Variants in CD84 observed in about 807,000 individuals in gnomAD.
The protein encoded by CD84 is CD84 molecule.
A neutral mutation model predicts 33.8 loss-of-function variants in CD84; 22 were observed. The observed-to-expected ratio is 0.65, with a 90% confidence interval of 0.46 to 0.93. CD84 has a LOEUF of 0.93. Ranked by LOEUF, CD84 falls within the 40% of genes least tolerant of loss-of-function variation. The pLI is 0.00. For missense variants in CD84, 400 were observed against 397.6 expected (o/e 1.01, Z -0.05); for synonymous variants, 154 against 145.2 (o/e 1.06, Z -0.44).
chr1:160,550,328 A>T (rs1289815039), intron 5 of CD84, among the ~76,000 whole-genome samples: 1 of 151,770 alleles, frequency 6.6e-6, no homozygotes, highest in Non-Finnish European at 1.5e-5. Context: ...CGCTAGACTG[A>T]CCAGGCAGAC....
At chr1:160,553,850 AG>A in intron 3 of CD84, 44 bp downstream of exon 3, 1 of 1,613,894 alleles carries the variant, frequency 6.2e-7, no homozygotes, top group Non-Finnish European at 8.5e-7. Flanking sequence ...AGCTCCTCAG[AG>A]TGATCTCTGA....
intron 2 of CD84, among the ~76,000 whole-genome samples, chr1:160,557,042 T>C (rs56991990): frequency 1.3e-5 from 2 of 152,102 alleles, no homozygotes; most frequent in Non-Finnish European, 1.5e-5. Context: ...GGGATAAGGA[T>C]TAAAAAATTA....
At chr1:160,569,155 G>T (rs1657521946) in intron 1 of CD84, among the ~76,000 whole-genome samples, 1 of 152,182 alleles carries the variant, frequency 6.6e-6, no homozygotes, top group African/African-American at 2.4e-5. Context: ...TGATGGCGTT[G>T]GTGATGCCGG....
At chr1:160,571,604 G>C (rs1657698297) in intron 1 of CD84, 1 of 152,210 alleles carries the variant, frequency 6.6e-6, no homozygotes, top group Non-Finnish European at 1.5e-5. Flanking sequence ...GATGAGATAG[G>C]ACAGTAGCTA....
At chr1:160,551,151 C>T in intron 4 of CD84, 116 bp from the exon 5 acceptor site, 2 of 792,706 alleles carry the variant, frequency 2.5e-6, no homozygotes, top group Admixed American at 2.2e-5. Flanking sequence ...GATTAAATGG[C>T]TGCCATCCTT....
At chr1:160,558,401 T>C (rs1052905819) in intron 2 of CD84, among the ~76,000 whole-genome samples, 9 of 151,192 alleles carry the variant, frequency 6.0e-5, no homozygotes, top group African/African-American at 2.0e-4. Flanking sequence ...CACAGAAGAG[T>C]AGCCTGACTA....
intron 1 of CD84, among the ~76,000 whole-genome samples, chr1:160,574,789 G>T (rs1021861549): frequency 6.6e-6 from 1 of 152,148 alleles, no homozygotes; most frequent in Non-Finnish European, 1.5e-5. Flanking sequence ...GCACATTGGT[G>T]AAGGTAATAG....
At chr1:160,552,605 T>C in intron 4 of CD84, 1 of 786,850 alleles carries the variant, frequency 1.3e-6, no homozygotes, top group Non-Finnish European at 2.2e-6. Flanking sequence ...CTTTCACGCC[T>C]AGACTGACTG....
At chr1:160,565,933 C>G (rs768454834) in intron 1 of CD84, among the ~76,000 whole-genome samples, 188 bp from the exon 2 acceptor site, 11 of 150,012 alleles carry the variant, frequency 7.3e-5, no homozygotes, top group African/African-American at 9.9e-5. Flanking sequence ...ACTAAATTTT[C>G]TAACGCATTC....
chr1:160,578,459 A>G (rs1175697671), intron 1 of CD84, among the ~76,000 whole-genome samples: 1 of 152,152 alleles, frequency 6.6e-6, no homozygotes, highest in African/African-American at 2.4e-5. Flanking sequence ...GGCCAAAGAA[A>G]CCAGAGAGAT....
rs1334361427 is a variant in CD84, at chr1:160,553,467, G to A, written c.671C>T (p.Thr224Ile). ...DIAMGFRTHH[T>I]GLLSVLAMFF... The stretch of plus-strand genomic sequence containing the variant: ...CATAGCCAGCACGCTCAGCAACCCG[G>A]TGTGGTGAGTACGGAAGCCCATTGC... The change falls in exon 4 of 7, where the codon ACC becomes ATC. Residue 224 changes from threonine (T) to isoleucine (I), a missense_variant. By Grantham distance (89) the Thr-to-Ile change is moderately conservative (BLOSUM62 -1). Transcript: ENST00000368054. 4 of 1,614,138 alleles carry A rather than the reference G, an allele frequency of 2.5e-6. No homozygotes were observed. In the East Asian group the frequency reaches 8.9e-5, roughly 36 times the overall value.
intron 1 of CD84, among the ~76,000 whole-genome samples, chr1:160,576,206 G>A (rs1434054233): frequency 1.3e-5 from 2 of 152,052 alleles, no homozygotes; most frequent in South Asian, 2.1e-4. Context: ...CAGGATGATG[G>A]TTGGGGTCCA....
At chr1:160,548,549 G>A (rs1443818893) in intron 6 of CD84, among the ~76,000 whole-genome samples, 2 of 152,076 alleles carry the variant, frequency 1.3e-5, no homozygotes, top group Admixed American at 1.3e-4. Context: ...TCTTAGCCCA[G>A]AAAAGAGCAA....
Position 160,546,271 on chromosome 1 carries a change from A to T in CD84, c.*1985T>A, listed in dbSNP as rs1655827220. On this transcript the variant is annotated 3_prime_UTR_variant, in exon 7 of 7. Coordinates refer to ENST00000368054, the MANE Select transcript of CD84 (RefSeq NM_003874.4). ...CCAAAGTGTTGGGATTACAGGCGTG[A>T]GCCACCACCCCAGCCGGCTTCCGTT... The T allele has an allele frequency of 6.6e-6, 1 of 152,436 alleles. No homozygotes were observed. The highest frequency in any genetic ancestry group is 1.9e-4 in the East Asian group (1 of 5,186). 9.4% of individuals were successfully genotyped at this position (152,436 alleles called of 1,614,324 possible).
Position 160,565,567 on chromosome 1 carries a change from A to G in CD84, c.225T>C (p.Thr75=), listed in dbSNP as rs1304186997. Residue 75 remains threonine (T), a synonymous_variant, in exon 2 of 7, where the codon ACT becomes ACC. Coordinates refer to ENST00000368054, the MANE Select transcript of CD84 (RefSeq NM_003874.4). ...GTTCATAATAATTTCTGTGGGTCACAGTAACTACGGGTGCTGTTTCTGAGT... is the reference window on the plus strand; with the variant it reads ...GTTCATAATAATTTCTGTGGGTCACGGTAACTACGGGTGCTGTTTCTGAGT... ...PGDSETAPVV[T]VTHRNYYERI... The G allele has an allele frequency of 1.5e-5, 25 of 1,614,026 alleles. No individual in the cohort carries two copies. The highest frequency in any genetic ancestry group is 2.0e-5 in the Non-Finnish European group (24 of 1,179,924).
Position 160,553,431 on chromosome 1 carries a change from A to T in CD84, c.707T>A (p.Leu236His), listed in dbSNP as rs888196757. 1.1e-5 allele frequency: 18 copies of T among 1,614,038 alleles called. No homozygotes were observed. The highest frequency in any genetic ancestry group is 2.7e-5 in the African/African-American group (2 of 74,916). Residue 236 changes from leucine (L) to histidine (H), a missense_variant, in exon 4 of 7, where the codon CTT becomes CAT. Leu to His is a moderately conservative substitution (Grantham distance 99). Transcript: ENST00000368054. ...AAACACTGAAGACAGAATGAGAACA[A>T]GCAGAAAGAACATAGCCAGCACGCT... ...LLSVLAMFFL[L>H]VLILSSVFLF...
chr1:160,549,855 G>A (rs986603052), intron 6 of CD84, 62 bp downstream of exon 6: 16 of 1,225,950 alleles, frequency 1.3e-5, no homozygotes, highest in East Asian at 2.3e-5. Context: ...TGGATGGACC[G>A]GGTGCACCAG....
chr1:160,575,494 A>AAC (rs3078967), intron 1 of CD84, among the ~76,000 whole-genome samples: 81,602 of 146,618 alleles, frequency 0.56, 23,596 homozygotes, highest in Non-Finnish European at 0.66. Context: ...GTTCCTTCAA[A>AAC]ACACACACAC....
chr1:160,572,527 C>T (rs1288074686), intron 1 of CD84, among the ~76,000 whole-genome samples: 2 of 151,856 alleles, frequency 1.3e-5, no homozygotes, highest in South Asian at 2.1e-4. Flanking sequence ...TAGCACAATG[C>T]CTGGCACATA....
Sources: allele counts gnomAD v4.1 joint callset (sites outside exome capture counted in the v4.1 genomes callset), GRCh38; gene constraint gnomAD v4.1.1; transcripts MANE v1.5; gene names NCBI Gene and HGNC (gene_info 2026-07-23, HGNC 2026-07-21).